The following FKBP9 variants were observed in gnomAD, a reference collection of about 807,000 sequenced individuals.
FKBP9 encodes the protein FKBP prolyl isomerase 9, also known as peptidyl-prolyl cis-trans isomerase FKBP9.
FKBP9 carries 27 observed loss-of-function variants against 55.6 expected under a neutral mutation model. The ratio of observed to expected loss-of-function variants is 0.49; its 90% CI spans 0.36 to 0.67. The LOEUF (loss-of-function observed/expected upper bound fraction) is 0.67, where lower values mean the gene tolerates loss of function less well. Among genes scored for constraint, FKBP9 ranks in the 30% least tolerant of loss-of-function variants. The pLI, the probability that FKBP9 is intolerant of heterozygous loss-of-function variation, is 0.00. For synonymous variants in FKBP9, 267 were observed against 296.5 expected, an observed-to-expected ratio of 0.90 and a Z score of 1.02; for missense variants, 539 against 742.8, an observed-to-expected ratio of 0.73 and a Z score of 3.19.
chr7:32,982,404 T>C (rs115634764), intron 5 of FKBP9, among the ~76,000 whole-genome samples: 263 of 152,316 alleles, frequency 1.7e-3, no homozygotes, highest in African/African-American at 6.1e-3. Context: ...TTTCAGAATA[T>C]AGTATTACTA....
intron 1 of FKBP9, among the ~76,000 whole-genome samples, chr7:32,965,668 T>C (rs1169304769): frequency 6.8e-6 from 1 of 147,526 alleles, no homozygotes; most frequent in African/African-American, 2.5e-5. Flanking sequence ...CGTGGTGGCG[T>C]GCACCTGTAA....
In FKBP9 at chr7:33,006,284, AT is replaced by A. The variant is rs1165568864; in HGVS notation, c.*938del. On this transcript the variant is annotated 3_prime_UTR_variant, in exon 10 of 10. Transcript: ENST00000242209. ...AGGTGTGCACCACCACGCCCGGCTA[AT>A]TTTTGTATTTTTAGTAGAGACGGGG... is the stretch of plus-strand genomic sequence containing the variant. The A allele has an allele frequency of 5.3e-6, 1 of 187,798 alleles. No individual in the cohort carries two copies. 11.6% of individuals were successfully genotyped at this position (187,798 alleles called of 1,614,324 possible).
At position 33,005,194 on chromosome 7, in the gene FKBP9, C is replaced by T; in HGVS notation, c.1556C>T (p.Ala519Val). 1 of 1,613,902 alleles carries T rather than the reference C, an allele frequency of 6.2e-7. No homozygotes were observed. The highest frequency in any genetic ancestry group is 1.7e-4 in the Middle Eastern group (1 of 6,058). ...LLEEFSEYIH[A>V]QVASGKGKLA... ...TTCCAGTTCTCAGAGTACATTCACGCCCAGGTGGCATCTGGCAAAGGGAAA... is the reference window on the plus strand; with the variant it reads ...TTCCAGTTCTCAGAGTACATTCACGTCCAGGTGGCATCTGGCAAAGGGAAA... The change falls in exon 10 of 10, where the codon GCC (alanine) becomes GTC (valine). Residue 519 changes from alanine (A) to valine (V), a missense_variant. Transcript: ENST00000242209.
chr7:32,994,155 C>T (rs1784739229), intron 6 of FKBP9, among the ~76,000 whole-genome samples: 1 of 152,154 alleles, frequency 6.6e-6, no homozygotes. Flanking sequence ...AACCAGGTAA[C>T]ATAACCATTA....
At chr7:32,969,178 C>T (rs1308029544) in intron 1 of FKBP9, among the ~76,000 whole-genome samples, 1 of 151,876 alleles carries the variant, frequency 6.6e-6, no homozygotes, top group Non-Finnish European at 1.5e-5. Context: ...AACATTTTCT[C>T]CCATTTTTTA....
chr7:32,999,155 G>C (rs1562576051), intron 7 of FKBP9, among the ~76,000 whole-genome samples: 1 of 152,102 alleles, frequency 6.6e-6, no homozygotes, highest in Admixed American at 6.5e-5. Context: ...CCCTGTCTTG[G>C]TTTGCTGGTA....
intron 1 of FKBP9, 107 bp downstream of exon 1, chr7:32,957,901 G>A (rs1783936511): frequency 1.2e-6 from 1 of 866,410 alleles, no homozygotes; most frequent in Non-Finnish European, 1.6e-6. Flanking sequence ...CCGTGCAGCC[G>A]CGCTCCTCCC....
chr7:32,974,830 T>C, intron 2 of FKBP9, 68 bp downstream of exon 2: 1 of 1,394,972 alleles, frequency 7.2e-7, no homozygotes, highest in Admixed American at 2.1e-5. Flanking sequence ...GGATGTTAAG[T>C]CAAACAGACT....
At chr7:32,991,060 G>T (rs1418880081) in intron 6 of FKBP9, among the ~76,000 whole-genome samples, 1 of 152,180 alleles carries the variant, frequency 6.6e-6, no homozygotes, top group Non-Finnish European at 1.5e-5. Flanking sequence ...TTATCGTGTG[G>T]ATTTCTACTT....
intron 6 of FKBP9, among the ~76,000 whole-genome samples, chr7:32,995,645 G>C: frequency 6.6e-6 from 1 of 152,152 alleles, no homozygotes; most frequent in Admixed American, 6.5e-5. Context: ...GTGACTGTTA[G>C]GTGTATGATC....
chr7:33,003,844 A>G (rs1034419634), intron 9 of FKBP9, among the ~76,000 whole-genome samples: 1 of 152,132 alleles, frequency 6.6e-6, no homozygotes, highest in African/African-American at 2.4e-5. Context: ...TCACTCGCTC[A>G]GTGGTCTTAT....
intron 6 of FKBP9, among the ~76,000 whole-genome samples, chr7:32,994,635 T>G (rs1363958158): frequency 6.6e-6 from 1 of 151,840 alleles, no homozygotes; most frequent in Non-Finnish European, 1.5e-5. Flanking sequence ...ACCTGTGTTC[T>G]GCTATTAAAG....
intron 4 of FKBP9, among the ~76,000 whole-genome samples, chr7:32,977,924 C>CCT: frequency 1.6e-5 from 2 of 124,976 alleles, no homozygotes; most frequent in Admixed American, 1.6e-4. Context: ...TATATATACA[C>CCT]TTTTTTTTTT....
At position 32,969,156 on chromosome 7, in the gene FKBP9, A is replaced by G. The variant is rs563461186; in HGVS notation, c.222-5461A>G. Among the ~76,000 whole-genome samples, 1,272 of 152,090 alleles carry G rather than the reference A, an allele frequency of 8.4e-3. 24 individuals carry two copies. Among genetic ancestry groups the G allele is most frequent in the African/African-American group, 0.029 (1,219 of 41,480 alleles). ...TCTAGATATTAATCCCTTATCATATATGAGGTTTGCAAACATTTTCTCCCA... is the reference window on the plus strand; with the variant it reads ...TCTAGATATTAATCCCTTATCATATGTGAGGTTTGCAAACATTTTCTCCCA... On this transcript the variant is annotated intron_variant, in intron 1 of 9. Coordinates refer to ENST00000242209, the MANE Select transcript of FKBP9 (RefSeq NM_007270.5).
intron 1 of FKBP9, among the ~76,000 whole-genome samples, chr7:32,968,579 T>C (rs950172002): frequency 2.6e-5 from 4 of 151,466 alleles, no homozygotes; most frequent in Non-Finnish European, 5.9e-5. Context: ...TTCTTTCTTT[T>C]TTTTTTTTTT....
intron 1 of FKBP9, among the ~76,000 whole-genome samples, chr7:32,970,025 A>G (rs988924089): frequency 3.3e-5 from 5 of 150,862 alleles, no homozygotes; most frequent in African/African-American, 1.2e-4. Flanking sequence ...TTCCGTATGA[A>G]TTTTAGTTTA....
intron 6 of FKBP9, among the ~76,000 whole-genome samples, chr7:32,989,287 A>T (rs1284057102): frequency 6.6e-6 from 1 of 152,180 alleles, no homozygotes; most frequent in African/African-American, 2.4e-5. Flanking sequence ...GTTTTAGAAC[A>T]TTTTTGTCAC....
chr7:32,992,861 C>T (rs1784711784), intron 6 of FKBP9: 3 of 230,002 alleles, frequency 1.3e-5, no homozygotes, highest in South Asian at 1.8e-4. Flanking sequence ...TCCTTGTTGA[C>T]GCCCTCAATA....
intron 6 of FKBP9, among the ~76,000 whole-genome samples, chr7:32,994,198 C>G (rs1463956595): frequency 2.0e-5 from 3 of 152,138 alleles, no homozygotes; most frequent in Non-Finnish European, 4.4e-5. Context: ...TTTCATCACT[C>G]CAAAAAGTAA....
Sources: allele counts gnomAD v4.1 joint callset (sites outside exome capture counted in the v4.1 genomes callset), GRCh38; gene constraint gnomAD v4.1.1; transcripts MANE v1.5; gene names NCBI Gene and HGNC (gene_info 2026-07-23, HGNC 2026-07-21).